KCNMA1: variants seen among roughly 807,000 people sequenced by gnomAD.
KCNMA1 encodes potassium calcium-activated channel subfamily M alpha 1.
In KCNMA1, 29 loss-of-function variants were observed where a neutral mutation model predicts 140.0. That is an observed-to-expected ratio of 0.21 (90% CI 0.15 to 0.28). The LOEUF (loss-of-function observed/expected upper bound fraction) is 0.28, where lower values mean the gene tolerates loss of function less well. KCNMA1 is among the 10% of genes least tolerant of loss of function. The pLI, the probability that KCNMA1 is intolerant of heterozygous loss-of-function variation, is 1.00. For synonymous variants in KCNMA1, 612 were observed against 611.9 expected (o/e 1.00, Z 0.00); for missense variants, 880 against 1,602.2 (o/e 0.55, Z 7.70).
At chr10:77,153,227 A>C (rs2098444566) in intron 5 of KCNMA1, among the ~76,000 whole-genome samples, 1 of 152,200 alleles carries the variant, frequency 6.6e-6, no homozygotes, top group Non-Finnish European at 1.5e-5. Context: ...CACTCCATGA[A>C]GCACATTTTG....
chr10:77,537,538 T>A (rs567075640), intron 1 of KCNMA1, among the ~76,000 whole-genome samples: 1 of 152,184 alleles, frequency 6.6e-6, no homozygotes, highest in South Asian at 2.1e-4. Flanking sequence ...ATTCCCCCCA[T>A]GACTGCAGAA....
At chr10:77,329,595 T>G (rs906597538) in intron 2 of KCNMA1, among the ~76,000 whole-genome samples, 29 of 152,242 alleles carry the variant, frequency 1.9e-4, no homozygotes, top group Admixed American at 1.4e-3. Context: ...GTATTTTTGT[T>G]ACAGCAGCTC....
Position 77,237,071 on chromosome 10 carries a change from T to A in KCNMA1, c.602+14124A>T, listed in dbSNP as rs546244465. On this transcript the variant is annotated intron_variant, in intron 3 of 27. Transcript: ENST00000286628. ...GATCTCTTTACTGCCTTACAATACATCTTATTTTGTTTCTTAACTTCACTG... is the reference window on the plus strand; with the variant it reads ...GATCTCTTTACTGCCTTACAATACAACTTATTTTGTTTCTTAACTTCACTG... 1.3e-3 allele frequency among the ~76,000 whole-genome samples: 194 copies of A among 152,348 alleles called. 1 individual carries two copies. The highest frequency in any genetic ancestry group is 2.1e-3 in the South Asian group (10 of 4,822).
At chr10:77,335,771 A>G (rs1405770717) in intron 2 of KCNMA1, among the ~76,000 whole-genome samples, 1 of 152,214 alleles carries the variant, frequency 6.6e-6, no homozygotes, top group African/African-American at 2.4e-5. Context: ...TTTGCAAGTG[A>G]GAAAACCAAG....
intron 20 of KCNMA1, among the ~76,000 whole-genome samples, chr10:76,958,729 T>C (rs1159774682): frequency 6.6e-6 from 1 of 152,110 alleles, no homozygotes; most frequent in Non-Finnish European, 1.5e-5. Flanking sequence ...AAGAGAGGCC[T>C]GAAACAGATC....
At chr10:77,524,867 G>C (rs541158954) in intron 1 of KCNMA1, among the ~76,000 whole-genome samples, 145 of 152,270 alleles carry the variant, frequency 9.5e-4, no homozygotes, top group African/African-American at 3.3e-3. Context: ...GAAATAATAT[G>C]AGCCCATCCA....
At chr10:77,142,849 T>C (rs558415195) in intron 5 of KCNMA1, among the ~76,000 whole-genome samples, 1 of 152,258 alleles carries the variant, frequency 6.6e-6, no homozygotes, top group South Asian at 2.1e-4. Context: ...CCTTTAAAAA[T>C]ACAATTTTCT....
chr10:77,543,013 CTCTT>C (rs1352599995), intron 1 of KCNMA1, among the ~76,000 whole-genome samples: 1 of 25,286 alleles, frequency 4.0e-5, no homozygotes, highest in African/African-American at 3.9e-4. Flanking sequence ...AAGACTCTCT[CTCTT>C]TCTCTCTCTC....
chr10:77,066,040 C>T (rs2095929073), intron 14 of KCNMA1, among the ~76,000 whole-genome samples: 1 of 152,160 alleles, frequency 6.6e-6, no homozygotes, highest in Admixed American at 6.5e-5. Flanking sequence ...GACCTGACTG[C>T]TTAGGACCTG....
chr10:77,133,368 T>C (rs2097905738), intron 5 of KCNMA1, among the ~76,000 whole-genome samples: 1 of 151,804 alleles, frequency 6.6e-6, no homozygotes, highest in African/African-American at 2.4e-5. Flanking sequence ...CAATAATAAA[T>C]TCCAGGCGCA....
chr10:77,191,614 C>T (rs973717481), intron 3 of KCNMA1, among the ~76,000 whole-genome samples: 2 of 152,114 alleles, frequency 1.3e-5, no homozygotes, highest in Non-Finnish European at 2.9e-5. Flanking sequence ...CACTTTATCC[C>T]AGACATCATG....
At chr10:76,972,745 T>C (rs2076409474) in intron 19 of KCNMA1, among the ~76,000 whole-genome samples, 1 of 152,224 alleles carries the variant, frequency 6.6e-6, no homozygotes, top group Non-Finnish European at 1.5e-5. Flanking sequence ...AATGCAGATC[T>C]GTTCCCTGAA....
At chr10:77,168,294 T>C (rs187042371) in intron 5 of KCNMA1, among the ~76,000 whole-genome samples, 256 of 152,290 alleles carry the variant, frequency 1.7e-3, no homozygotes, top group African/African-American at 5.9e-3. Flanking sequence ...TTAAATGAGA[T>C]AGGCCGGTAA....
intron 5 of KCNMA1, among the ~76,000 whole-genome samples, chr10:77,170,477 TCCA>T (rs1158627239): frequency 3.2e-5 from 2 of 62,258 alleles, no homozygotes; most frequent in African/African-American, 1.3e-4. Flanking sequence ...GAGGTGAGGC[TCCA>T]TCCCTGGGAG....
intron 23 of KCNMA1, among the ~76,000 whole-genome samples, chr10:76,928,990 T>C (rs139215307): frequency 9.7e-4 from 147 of 152,314 alleles, no homozygotes; most frequent in African/African-American, 3.5e-3. Flanking sequence ...AGCATTTTGA[T>C]TTAATATTTC....
intron 5 of KCNMA1, among the ~76,000 whole-genome samples, chr10:77,174,140 G>A (rs1046840321): frequency 6.6e-6 from 1 of 152,134 alleles, no homozygotes; most frequent in African/African-American, 2.4e-5. Flanking sequence ...CCTGGAGCTG[G>A]AGCATGGTCC....
At chr10:77,508,340 ATTTTTTT>A (rs58578775) in intron 1 of KCNMA1, among the ~76,000 whole-genome samples, 2 of 131,654 alleles carry the variant, frequency 1.5e-5, no homozygotes, top group East Asian at 2.2e-4. Flanking sequence ...ATGCCTGGCT[ATTTTTTT>A]TTTTTTTTTG....
chr10:77,214,339 C>T (rs1368527064), intron 3 of KCNMA1, among the ~76,000 whole-genome samples: 1 of 152,172 alleles, frequency 6.6e-6, no homozygotes, highest in Non-Finnish European at 1.5e-5. Flanking sequence ...TTAAAAGTCA[C>T]ATAAAAGAAT....
At chr10:77,554,984 TCTC>T (rs1435236531) in intron 1 of KCNMA1, among the ~76,000 whole-genome samples, 1 of 151,984 alleles carries the variant, frequency 6.6e-6, no homozygotes, top group East Asian at 1.9e-4. Context: ...TGACTTCTCT[TCTC>T]AGAAGAACCG....
Sources: allele counts gnomAD v4.1 joint callset (sites outside exome capture counted in the v4.1 genomes callset), GRCh38; gene constraint gnomAD v4.1.1; transcripts MANE v1.5; gene names NCBI Gene and HGNC (gene_info 2026-07-23, HGNC 2026-07-21).